Variants in CACNA1A observed in about 807,000 individuals in gnomAD.
CACNA1A encodes calcium voltage-gated channel subunit alpha1 A.
In CACNA1A, 57 loss-of-function variants were observed where a neutral mutation model predicts 262.4. That is an observed-to-expected ratio of 0.22 (90% confidence interval 0.18 to 0.27). The LOEUF is 0.27. Among genes scored for constraint, CACNA1A ranks in the 10% least tolerant of loss-of-function variants. The pLI is 1.00. For synonymous variants in CACNA1A, 1,431 were observed against 1,419.3 expected (o/e 1.01, Z -0.18); for missense variants, 2,526 against 3,562.8 (o/e 0.71, Z 7.41).
At position 13,286,760 on chromosome 19, in the gene CACNA1A, T is replaced by C. The variant is rs2057410390; in HGVS notation, c.3296A>G (p.Asn1099Ser). The C allele has an allele frequency of 1.9e-6, 3 of 1,611,060 alleles. No individual in the cohort carries two copies. Among genetic ancestry groups the C allele is most frequent in the Non-Finnish European group, 2.5e-6 (3 of 1,178,854 alleles). Reference protein sequence around the residue: ...GLPQSPAKMGNSTDPGPMLAI... With the variant: ...GLPQSPAKMGSSTDPGPMLAI... Reference sequence around the variant, plus strand: ...CAGCATGGGGCCGGGGTCGGTGCTGTTTCCCATCTTGGCTGGGCTCTGGGG... The same window carrying C: ...CAGCATGGGGCCGGGGTCGGTGCTGCTTCCCATCTTGGCTGGGCTCTGGGG... Residue 1099 changes from asparagine to serine, a missense_variant, in exon 20 of 47, where the codon AAC becomes AGC. By Grantham distance (46) the Asn-to-Ser change is conservative. Transcript: ENST00000360228.
chr19:13,425,007 T>C (rs1568631672), intron 3 of CACNA1A, among the ~76,000 whole-genome samples: 1 of 152,264 alleles, frequency 6.6e-6, no homozygotes, highest in African/African-American at 2.4e-5. Flanking sequence ...GGTTTTACCA[T>C]GTTGGCCAGG....
At chr19:13,458,326 A>AT (rs371106353) in intron 1 of CACNA1A, among the ~76,000 whole-genome samples, 21 of 149,322 alleles carry the variant, frequency 1.4e-4, no homozygotes, top group African/African-American at 2.2e-4. Flanking sequence ...TGTGTGCCTA[A>AT]TTTTTTTTTT....
chr19:13,271,471 T>C (rs1444324800), intron 24 of CACNA1A: 2 of 152,142 alleles, frequency 1.3e-5, no homozygotes, highest in Non-Finnish European at 2.9e-5. Flanking sequence ...TCCACCTGCC[T>C]CGGCCTCCCC....
At position 13,255,233 on chromosome 19, in the gene CACNA1A, G is replaced by A. The variant is rs1051975; in HGVS notation, c.4617C>T (p.Ser1539=). The change falls in exon 29 of 47, where the codon AGC becomes AGT. Residue 1539 remains serine, a synonymous_variant. Transcript: ENST00000360228. ...NERACIDFAI[S]AKPLTRHMPQ... ...GCATGTGTCGGGTCAGCGGCTTGGC[G>A]CTGATGGCGAAATCAATGCAGGCCC... is the stretch of plus-strand genomic sequence containing the variant. The A allele has an allele frequency of 1.5e-5, 24 of 1,604,414 alleles. No individual in the cohort carries two copies. Among genetic ancestry groups the A allele is most frequent in the South Asian group, 3.3e-5 (3 of 90,726 alleles).
At chr19:13,260,373 G>T (rs2056703882) in intron 26 of CACNA1A, 1 of 149,690 alleles carries the variant, frequency 6.7e-6, no homozygotes, top group Admixed American at 6.7e-5. Context: ...GTTTGAGATG[G>T]AGTCTGGCTC....
At chr19:13,438,939 A>G (rs2060662343) in intron 3 of CACNA1A, among the ~76,000 whole-genome samples, 1 of 152,076 alleles carries the variant, frequency 6.6e-6, no homozygotes, top group Admixed American at 6.6e-5. Flanking sequence ...GGATTTCACC[A>G]TGTTGGCCAG....
At chr19:13,479,629 G>A (rs879529311) in intron 1 of CACNA1A, among the ~76,000 whole-genome samples, 11 of 152,290 alleles carry the variant, frequency 7.2e-5, no homozygotes, top group South Asian at 4.1e-4. Flanking sequence ...AAGAAAAAAC[G>A]AAGAGAGGGA....
chr19:13,259,785 G>A (rs773297649), intron 26 of CACNA1A, 84 bp from the exon 27 acceptor site: 163 of 1,491,186 alleles, frequency 1.1e-4, no homozygotes, highest in Non-Finnish European at 1.4e-4. Flanking sequence ...ACAGGGGGAG[G>A]GAAAGGAAGA....
intron 3 of CACNA1A, among the ~76,000 whole-genome samples, chr19:13,401,647 T>C (rs1391895000): frequency 1.3e-5 from 2 of 152,108 alleles, no homozygotes; most frequent in Non-Finnish European, 2.9e-5. Context: ...GGAACCCTCA[T>C]AAGTACCTCC....
chr19:13,479,490 AGT>A (rs3054422), intron 1 of CACNA1A, among the ~76,000 whole-genome samples: 70,688 of 151,886 alleles, frequency 0.47, 16,618 homozygotes, highest in Admixed American at 0.49. Context: ...GAGCTGGGTG[AGT>A]GAGGCCAGAG....
chr19:13,380,832 G>A (rs2059512452), intron 3 of CACNA1A, among the ~76,000 whole-genome samples: 1 of 151,220 alleles, frequency 6.6e-6, no homozygotes, highest in Admixed American at 6.6e-5. Context: ...GGAGTGCAGT[G>A]GCTCAATCTT....
intron 3 of CACNA1A, among the ~76,000 whole-genome samples, chr19:13,432,166 G>C (rs1430041982): frequency 1.3e-5 from 2 of 148,912 alleles, no homozygotes; most frequent in African/African-American, 5.0e-5. Context: ...TGTAATCTCA[G>C]CACTTTGGGA....
intron 1 of CACNA1A, among the ~76,000 whole-genome samples, chr19:13,481,411 G>A (rs1979293570): frequency 1.3e-5 from 2 of 152,228 alleles, no homozygotes; most frequent in African/African-American, 2.4e-5. Context: ...AGCTGCCAGA[G>A]GCAATGAGGG....
intron 1 of CACNA1A, among the ~76,000 whole-genome samples, chr19:13,485,601 A>G (rs987531181): frequency 2.6e-5 from 4 of 152,238 alleles, no homozygotes; most frequent in Non-Finnish European, 5.9e-5. Flanking sequence ...AAGCTTGAAT[A>G]GTCAATAAAT....
chr19:13,421,115 T>C (rs2060309213), intron 3 of CACNA1A, among the ~76,000 whole-genome samples: 1 of 152,186 alleles, frequency 6.6e-6, no homozygotes, highest in South Asian at 2.1e-4. Context: ...ATTGTGCAAA[T>C]GGTGCTGAAG....
chr19:13,354,258 C>A (rs1261348353), intron 6 of CACNA1A, among the ~76,000 whole-genome samples: 2 of 152,216 alleles, frequency 1.3e-5, no homozygotes, highest in Non-Finnish European at 2.9e-5. Flanking sequence ...CTCCGTTGAT[C>A]TCAACTACTA....
At chr19:13,297,586 G>A (rs1031246516) in intron 19 of CACNA1A, among the ~76,000 whole-genome samples, 1 of 152,024 alleles carries the variant, frequency 6.6e-6, no homozygotes, top group African/African-American at 2.4e-5. Context: ...TAAGGCAGGC[G>A]GAATGCTTGA....
Position 13,207,230 on chromosome 19 carries a change from C to T in CACNA1A, c.*83G>A, listed in dbSNP as rs1011937377. On this transcript the variant is annotated 3_prime_UTR_variant, in exon 47 of 47. Coordinates refer to ENST00000360228, the MANE Select transcript of CACNA1A (RefSeq NM_001127222.2). This position sits in a 1 kb window ranked among gnomAD's most constrained non-coding sequence, Gnocchi z 5.7. ...CTCTCCCGGGCCCTCTGTGCTGGGC[C>T]CCCGCGGCCTCTGCGCGGCTCCTCG... 16 of 1,370,560 alleles carry T rather than the reference C, an allele frequency of 1.2e-5. No individual in the cohort carries two copies. Among genetic ancestry groups the T allele is most frequent in the African/African-American group, 1.6e-5 (1 of 64,420 alleles). 84.9% of individuals were successfully genotyped at this position (1,370,560 alleles called of 1,614,324 possible). A position where few individuals can be genotyped will look rare whatever the true frequency, so the allele number is the denominator to read the frequency against.
intron 35 of CACNA1A, 97 bp from the exon 36 acceptor site, chr19:13,230,306 A>G (rs1284600705): frequency 1.8e-5 from 25 of 1,353,918 alleles, no homozygotes; most frequent in Middle Eastern, 1.8e-4. Context: ...GGACAGACAG[A>G]CCCAAAGACA....
Sources: allele counts gnomAD v4.1 joint callset (sites outside exome capture counted in the v4.1 genomes callset), GRCh38; gene constraint gnomAD v4.1.1; non-coding constraint Gnocchi (gnomAD v3.1); transcripts MANE v1.5; gene names NCBI Gene and HGNC (gene_info 2026-07-23, HGNC 2026-07-21).